The following AP4E1 variants were observed in gnomAD, a reference collection of about 807,000 sequenced individuals.
AP4E1 encodes adaptor related protein complex 4 subunit epsilon 1, also known as AP-4 complex subunit epsilon-1.
A neutral mutation model predicts 128.2 loss-of-function variants in AP4E1; 56 were observed. The observed-to-expected ratio is 0.44, with a 90% confidence interval of 0.35 to 0.55. The LOEUF is 0.55. Ranked by LOEUF, AP4E1 falls within the 20% of genes least tolerant of loss-of-function variation. The probability of loss-of-function intolerance (pLI) is 0.00; values close to 1 mark genes in which losing one functional copy is unlikely to be tolerated. For missense variants in AP4E1, 1,324 were observed against 1,307.7 expected, an observed-to-expected ratio of 1.01 and a Z score of -0.19; for synonymous variants, 484 against 473.1, an observed-to-expected ratio of 1.02 and a Z score of -0.30.
intron 16 of AP4E1, among the ~76,000 whole-genome samples, chr15:50,991,966 T>C (rs1248186643): frequency 1.3e-5 from 2 of 149,964 alleles, no homozygotes; most frequent in African/African-American, 4.9e-5. Context: ...ATAGTTCTTT[T>C]TTTTTTTTTT....
Position 51,001,447 on chromosome 15 carries a change from A to G in AP4E1, c.3253+264A>G, listed in dbSNP as rs55742119. On this transcript the variant is annotated intron_variant, in intron 20 of 20. Transcript: ENST00000261842. Reference sequence around the variant, plus strand: ...ACACTGTTGTGCAACTGTCACCATCATCTATCTTCAGAACTTTTTTATCCT... The same window carrying G: ...ACACTGTTGTGCAACTGTCACCATCGTCTATCTTCAGAACTTTTTTATCCT... Among the ~76,000 whole-genome samples, 2,501 of 152,296 alleles carry G rather than the reference A, an allele frequency of 0.016. 89 individuals are homozygous for G. The highest frequency in any genetic ancestry group is 0.057 in the African/African-American group (2,373 of 41,552).
At chr15:50,961,729 A>G (rs538365359) in intron 14 of AP4E1, among the ~76,000 whole-genome samples, 117 of 152,258 alleles carry the variant, frequency 7.7e-4, no homozygotes, top group South Asian at 6.2e-4. Flanking sequence ...CTCCTATTCA[A>G]CATAGTACTG....
At chr15:50,971,531 TTC>T (rs1215285551) in intron 15 of AP4E1, among the ~76,000 whole-genome samples, 1 of 152,174 alleles carries the variant, frequency 6.6e-6, no homozygotes, top group Non-Finnish European at 1.5e-5. Flanking sequence ...ATTAATTATT[TTC>T]TTCATATCTT....
Position 51,004,392 on chromosome 15 carries a change from T to A in AP4E1, c.*1730T>A, listed in dbSNP as rs1259794469. On this transcript the variant is annotated 3_prime_UTR_variant, in exon 21 of 21. Coordinates refer to ENST00000261842, the MANE Select transcript of AP4E1 (RefSeq NM_007347.5). ...GAGGTGCTCCAATTTTTTGTGTCCT[T>A]ACTTCCCTATGTTTGCCTAGTTACT... 6.6e-6 allele frequency: 1 copy of A among 152,250 alleles called. No homozygotes were observed. The highest frequency in any genetic ancestry group is 6.5e-5 in the Admixed American group (1 of 15,276). The allele number at this position is 152,250 out of a possible 1,614,324, so 9.4% of individuals were successfully genotyped here.
chr15:50,957,897 A>C (rs2064251642), intron 13 of AP4E1, among the ~76,000 whole-genome samples: 1 of 151,716 alleles, frequency 6.6e-6, no homozygotes, highest in Admixed American at 6.6e-5. Context: ...GGCTGGTTTC[A>C]AACTCCTCAG....
intron 6 of AP4E1, 146 bp downstream of exon 6, chr15:50,929,314 T>C: frequency 1.1e-6 from 1 of 949,550 alleles, no homozygotes; most frequent in Admixed American, 2.5e-5. Flanking sequence ...GTTTTGCAAG[T>C]TGTTGAGAGC....
intron 5 of AP4E1, among the ~76,000 whole-genome samples, chr15:50,926,746 C>G (rs552207785): frequency 6.6e-6 from 1 of 152,082 alleles, no homozygotes; most frequent in South Asian, 2.1e-4. Flanking sequence ...CTACAGGCGC[C>G]CGCCACTATG....
Position 50,930,976 on chromosome 15 carries a change from A to G in AP4E1, c.869+5A>G. On this transcript the variant is annotated splice_donor_5th_base_variant and intron_variant, in intron 7 of 20. Transcript: ENST00000261842. ...TCTAGGAAAAGATGATCAAAGGTAA[A>G]CTATTTTCAGTAAGTTTGCTTAATG... 6.2e-7 allele frequency: 1 copy of G among 1,614,084 alleles called. No individual in the cohort carries two copies. Among genetic ancestry groups the G allele is most frequent in the Non-Finnish European group, 8.5e-7 (1 of 1,179,994 alleles).
In AP4E1 at chr15:50,923,957, C is replaced by T. The variant is rs370227106; in HGVS notation, c.373C>T (p.His125Tyr). The T allele has an allele frequency of 6.2e-7, 1 of 1,611,886 alleles. No homozygotes were observed. Among genetic ancestry groups the T allele is most frequent in the South Asian group, 1.1e-5 (1 of 91,036 alleles). The stretch of plus-strand genomic sequence containing the variant: ...TTATTTGGCTGTTTCCTTATTTCTA[C>T]ATGAAAGTCATGAATTATTGCTTCT... Reference protein sequence around the residue: ...VGYLAVSLFLHESHELLLLLV... With the variant: ...VGYLAVSLFLYESHELLLLLV... The change falls in exon 4 of 21, where the codon CAT becomes TAT. Residue 125 changes from histidine to tyrosine, a missense_variant. Transcript: ENST00000261842.
Position 50,917,787 on chromosome 15 carries a change from G to A in AP4E1, c.346+2216G>A, listed in dbSNP as rs527708718. ...ATCCCTGCAATGACGGGAAAGGACC[G>A]AAACAAACAGAAATTAATAGTTACA... On this transcript the variant is annotated intron_variant, in intron 3 of 20. Transcript: ENST00000261842. Among the ~76,000 whole-genome samples the A allele has an allele frequency of 4.6e-5, 7 of 152,126 alleles. No individual in the cohort carries two copies. The South Asian group carries it at 1.0e-3, about 22-fold the overall frequency.
At chr15:50,920,602 G>A (rs2063689771) in intron 3 of AP4E1, among the ~76,000 whole-genome samples, 1 of 151,770 alleles carries the variant, frequency 6.6e-6, no homozygotes, top group Non-Finnish European at 1.5e-5. Context: ...GTTTCACCGT[G>A]TTAGCCAGGA....
At chr15:50,942,572 G>C (rs780841205) in intron 10 of AP4E1, among the ~76,000 whole-genome samples, 5 of 150,220 alleles carry the variant, frequency 3.3e-5, no homozygotes, top group Non-Finnish European at 7.4e-5. Flanking sequence ...TGGAAGGAAA[G>C]GCTTAATAAT....
At chr15:50,940,109 A>T (rs370000720) in intron 8 of AP4E1, among the ~76,000 whole-genome samples, 3 of 152,284 alleles carry the variant, frequency 2.0e-5, no homozygotes, top group East Asian at 1.9e-4. Flanking sequence ...GCCTTATCTT[A>T]TTAGTCAATT....
At chr15:50,926,748 G>A (rs1329284102) in intron 5 of AP4E1, among the ~76,000 whole-genome samples, 3 of 151,890 alleles carry the variant, frequency 2.0e-5, no homozygotes, top group South Asian at 2.1e-4. Flanking sequence ...ACAGGCGCCC[G>A]CCACTATGCC....
In AP4E1 at chr15:50,949,345, G is replaced by A. The variant is rs558324570; in HGVS notation, c.1317-481G>A. Among the ~76,000 whole-genome samples, 4 of 151,192 alleles carry A rather than the reference G, an allele frequency of 2.6e-5. No homozygotes were observed. The East Asian group carries it at 5.8e-4, about 22-fold the overall frequency. The stretch of plus-strand genomic sequence containing the variant: ...GGAGAATTGCTTGAACCCAGGAGGC[G>A]GAGGTCACAGTGAACCGAGATCGCA... On this transcript the variant is annotated intron_variant, in intron 11 of 20. Transcript: ENST00000261842.
chr15:50,962,716 C>G (rs184182031), intron 14 of AP4E1, among the ~76,000 whole-genome samples: 1 of 151,570 alleles, frequency 6.6e-6, no homozygotes, highest in East Asian at 1.9e-4. Flanking sequence ...GCTAAGACTT[C>G]AAAAGCACAG....
intron 15 of AP4E1, among the ~76,000 whole-genome samples, chr15:50,977,008 T>C (rs2064561137): frequency 6.6e-6 from 1 of 152,218 alleles, no homozygotes; most frequent in Non-Finnish European, 1.5e-5. Flanking sequence ...ATTTAAACTC[T>C]CTTTCAAAGT....
chr15:50,932,277 C>G (rs114543239), intron 7 of AP4E1, among the ~76,000 whole-genome samples: 1 of 152,174 alleles, frequency 6.6e-6, no homozygotes, highest in Non-Finnish European at 1.5e-5. Context: ...CCGCCCCGGC[C>G]TCAATTTTGC....
At chr15:50,934,024 A>G (rs1225383838) in intron 7 of AP4E1, among the ~76,000 whole-genome samples, 1 of 152,068 alleles carries the variant, frequency 6.6e-6, no homozygotes, top group Non-Finnish European at 1.5e-5. Context: ...TAGGGCACTA[A>G]TGCACTTTTT....
Sources: allele counts gnomAD v4.1 joint callset (sites outside exome capture counted in the v4.1 genomes callset), GRCh38; gene constraint gnomAD v4.1.1; transcripts MANE v1.5; gene names NCBI Gene and HGNC (gene_info 2026-07-23, HGNC 2026-07-21).